DAAM2: variants seen among roughly 807,000 people sequenced by gnomAD.
The protein encoded by DAAM2 is disheveled-associated activator of morphogenesis 2.
DAAM2 carries 39 observed loss-of-function variants against 120.7 expected under a neutral mutation model. The observed-to-expected ratio is 0.32, with a 90% CI of 0.25 to 0.42. The LOEUF is 0.42. DAAM2 is among the 10% of genes least tolerant of loss of function. The pLI is 1.00. For synonymous variants in DAAM2, 488 were observed against 524.9 expected (o/e 0.93, Z 0.96); for missense variants, 1,283 against 1,401.7 (o/e 0.92, Z 1.35).
At chr6:39,858,353 G>T (rs1764087206) in intron 2 of DAAM2, among the ~76,000 whole-genome samples, 1 of 152,176 alleles carries the variant, frequency 6.6e-6, no homozygotes, top group Non-Finnish European at 1.5e-5. Flanking sequence ...TTAGAGAGAA[G>T]GGTGCCTTAG....
chr6:39,837,178 G>A (rs998280083), intron 1 of DAAM2, among the ~76,000 whole-genome samples: 5 of 152,066 alleles, frequency 3.3e-5, no homozygotes, highest in African/African-American at 9.7e-5. Context: ...GGTGACTCTC[G>A]AAGAAGTATG....
intron 5 of DAAM2, among the ~76,000 whole-genome samples, chr6:39,867,130 T>C (rs1299476478): frequency 2.6e-5 from 4 of 152,254 alleles, no homozygotes; most frequent in African/African-American, 9.6e-5. Flanking sequence ...ACTTGATGAT[T>C]CTGATGGCTT....
chr6:39,898,337 A>G (rs1562065717), intron 21 of DAAM2, among the ~76,000 whole-genome samples: 2 of 152,180 alleles, frequency 1.3e-5, no homozygotes, highest in Admixed American at 1.3e-4. Flanking sequence ...TGGCCTCAAA[A>G]AGAGTGTGCG....
chr6:39,869,787 A>T (rs1764583564), intron 7 of DAAM2, among the ~76,000 whole-genome samples: 1 of 128,298 alleles, frequency 7.8e-6, no homozygotes, highest in Non-Finnish European at 1.6e-5. Flanking sequence ...TTTTAAAAAC[A>T]ATTTATCTTT....
At chr6:39,802,169 G>A (rs1761883378) in intron 1 of DAAM2, among the ~76,000 whole-genome samples, 1 of 152,208 alleles carries the variant, frequency 6.6e-6, no homozygotes, top group Non-Finnish European at 1.5e-5. Context: ...CATCCTCGCT[G>A]CCCTGAACAG....
Position 39,904,403 on chromosome 6 carries a change from C to T in DAAM2, c.*2366C>T, listed in dbSNP as rs189856931. ...GAGTAAGAAGGGGCTGGTGCCCAGT[C>T]GGGGTGGCTGAGCTGGTCCTTAATA... On this transcript the variant is annotated 3_prime_UTR_variant, in exon 25 of 25. Transcript: ENST00000274867. 235 of 455,786 alleles carry T rather than the reference C, an allele frequency of 5.2e-4. 5 individuals carry two copies. Among genetic ancestry groups the T allele is most frequent in the South Asian group, 2.8e-3 (181 of 64,530 alleles). The allele number at this position is 455,786 out of a possible 1,614,324, so 28.2% of individuals were successfully genotyped here. A position where few individuals can be genotyped will look rare whatever the true frequency, so the allele number is the denominator to read the frequency against.
chr6:39,874,360 G>C (rs545380352), intron 10 of DAAM2, among the ~76,000 whole-genome samples: 12 of 152,320 alleles, frequency 7.9e-5, no homozygotes, highest in African/African-American at 2.9e-4. Context: ...TGTGTCAGTA[G>C]ACTTGTGGAC....
chr6:39,879,507 C>G (rs1173405321), intron 14 of DAAM2, 30 bp downstream of exon 14: 2 of 1,613,780 alleles, frequency 1.2e-6, no homozygotes, highest in Non-Finnish European at 1.7e-6. Flanking sequence ...CTGGAGGGCC[C>G]ATTCTTCTAC....
intron 1 of DAAM2, among the ~76,000 whole-genome samples, chr6:39,807,636 C>T (rs1403257078): frequency 6.6e-6 from 1 of 152,142 alleles, no homozygotes; most frequent in Non-Finnish European, 1.5e-5. Context: ...CCCACCTCAG[C>T]CTCCTGAGTA....
At chr6:39,842,386 C>A (rs1763378164) in intron 1 of DAAM2, among the ~76,000 whole-genome samples, 1 of 152,152 alleles carries the variant, frequency 6.6e-6, no homozygotes, top group African/African-American at 2.4e-5. Flanking sequence ...AATCCCAGCA[C>A]TTTGGGAGGC....
Position 39,800,638 on chromosome 6 carries a change from C to T in DAAM2, c.-57+8173C>T, listed in dbSNP as rs145801018. On this transcript the variant is annotated intron_variant, in intron 1 of 24. Transcript: ENST00000274867. ...ATGGTTAGCCTTTTTGGAGCAGCCC[C>T]GGCTAAAGAGACTTGCTGTGTCAGG... Among the ~76,000 whole-genome samples, 18 of 152,268 alleles carry T rather than the reference C, an allele frequency of 1.2e-4. 1 individual carries two copies. The highest frequency in any genetic ancestry group is 3.3e-4 in the Admixed American group (5 of 15,300).
chr6:39,807,780 G>A (rs1178022463), intron 1 of DAAM2, among the ~76,000 whole-genome samples: 1 of 152,214 alleles, frequency 6.6e-6, no homozygotes, highest in South Asian at 2.1e-4. Flanking sequence ...GCCTCCCAAA[G>A]TGCTGGGATT....
chr6:39,804,550 G>A (rs1030971972), intron 1 of DAAM2, among the ~76,000 whole-genome samples: 17 of 149,974 alleles, frequency 1.1e-4, no homozygotes, highest in Non-Finnish European at 2.4e-4. Context: ...GTGTGTGTGT[G>A]TGTATGCATG....
chr6:39,803,345 G>C (rs1468202143), intron 1 of DAAM2, among the ~76,000 whole-genome samples: 2 of 152,228 alleles, frequency 1.3e-5, no homozygotes, highest in African/African-American at 4.8e-5. Context: ...AGGCTTGACA[G>C]TGATATACAG....
chr6:39,851,136 C>T (rs1339224112), intron 1 of DAAM2, among the ~76,000 whole-genome samples: 1 of 152,206 alleles, frequency 6.6e-6, no homozygotes, highest in Middle Eastern at 3.2e-3. Flanking sequence ...CCTGGCCCAG[C>T]TCACAGGAAA....
At chr6:39,900,312 TAC>T (rs1766402306) in intron 23 of DAAM2, 104 bp downstream of exon 23, 1 of 1,360,224 alleles carries the variant, frequency 7.4e-7, no homozygotes, top group Non-Finnish European at 9.9e-7. Context: ...AACCCAGAGT[TAC>T]AGAGCTTTGA....
chr6:39,794,976 T>A (rs1172880180), intron 1 of DAAM2, among the ~76,000 whole-genome samples: 2 of 152,194 alleles, frequency 1.3e-5, no homozygotes, highest in Non-Finnish European at 2.9e-5. Flanking sequence ...GGGCAAGAAC[T>A]GGGTTTTCAA....
intron 1 of DAAM2, among the ~76,000 whole-genome samples, chr6:39,825,125 C>T (rs191582536): frequency 3.1e-4 from 47 of 152,196 alleles, no homozygotes; most frequent in Admixed American, 1.6e-3. Context: ...TGCGGTGGCT[C>T]ACGCCTGTAA....
Position 39,904,120 on chromosome 6 carries a change from A to C in DAAM2, c.*2083A>C. 2.2e-6 allele frequency: 1 copy of C among 447,564 alleles called. No individual in the cohort carries two copies. Among genetic ancestry groups the C allele is most frequent in the Non-Finnish European group, 4.5e-6 (1 of 222,614 alleles). The allele number at this position is 447,564 out of a possible 1,614,324, so 27.7% of individuals were successfully genotyped here. On this transcript the variant is annotated 3_prime_UTR_variant, in exon 25 of 25. Transcript: ENST00000274867. ...ACAAGCGTGTCTGGCATTCCCACCC[A>C]CCATGGAAGACTGGATACGCACCTG...
Sources: allele counts gnomAD v4.1 joint callset (sites outside exome capture counted in the v4.1 genomes callset), GRCh38; gene constraint gnomAD v4.1.1; transcripts MANE v1.5; gene names NCBI Gene and HGNC (gene_info 2026-07-23, HGNC 2026-07-21).